Variants in GRM8 observed in about 807,000 individuals in gnomAD.
GRM8 encodes metabotropic glutamate receptor 8.
In GRM8, 47 loss-of-function variants were observed where a neutral mutation model predicts 87.2. The observed-to-expected ratio is 0.54, with a 90% CI of 0.43 to 0.69. The LOEUF is 0.69. Ranked by LOEUF, GRM8 falls within the 30% of genes least tolerant of loss-of-function variation. The pLI is 0.00. For missense variants in GRM8, 1,019 were observed against 1,139.2 expected, an observed-to-expected ratio of 0.89 and a Z score of 1.52; for synonymous variants, 396 against 404.5, an observed-to-expected ratio of 0.98 and a Z score of 0.25.
rs1585769234 is a variant in GRM8, at chr7:126,748,757, A to C, written c.1357+21108T>G. ...CAATTCCTAATATAAAACTATAATAATCTAGTCAGTGGGGTATTAGAATAT... is the reference window on the plus strand; with the variant it reads ...CAATTCCTAATATAAAACTATAATACTCTAGTCAGTGGGGTATTAGAATAT... On this transcript the variant is annotated intron_variant, in intron 7 of 10. Coordinates refer to ENST00000339582, the MANE Select transcript of GRM8 (RefSeq NM_000845.3). Among the ~76,000 whole-genome samples, 5 of 152,184 alleles carry C rather than the reference A, an allele frequency of 3.3e-5. No individual in the cohort carries two copies. In the South Asian group the frequency reaches 1.0e-3, roughly 32 times the overall value.
intron 9 of GRM8, among the ~76,000 whole-genome samples, chr7:126,464,882 T>C (rs1402364801): frequency 6.6e-6 from 1 of 151,798 alleles, no homozygotes; most frequent in African/African-American, 2.4e-5. Context: ...TAGTTGTTAT[T>C]TTTAATCTTC....
chr7:127,005,553 C>A (rs1037505642), intron 3 of GRM8, among the ~76,000 whole-genome samples: 1 of 151,788 alleles, frequency 6.6e-6, no homozygotes, highest in Non-Finnish European at 1.5e-5. Flanking sequence ...AGTTGTAGAT[C>A]TGAGTGACTC....
chr7:126,890,542 C>T (rs1452116183), intron 6 of GRM8, among the ~76,000 whole-genome samples: 1 of 152,024 alleles, frequency 6.6e-6, no homozygotes, highest in African/African-American at 2.4e-5. Flanking sequence ...GTCAGCTTCC[C>T]CCTTGTGGTG....
In GRM8 at chr7:126,812,138, A is replaced by T. The variant is rs995055828; in HGVS notation, c.1157-42073T>A. On this transcript the variant is annotated intron_variant, in intron 6 of 10. Coordinates refer to ENST00000339582, the MANE Select transcript of GRM8 (RefSeq NM_000845.3). ...CATAAATTTATACAAATAGCTTTTT[A>T]AAAAAATTAGAAAAAATAATACAAA... 5.9e-5 allele frequency among the ~76,000 whole-genome samples: 9 copies of T among 152,180 alleles called. 1 individual carries two copies. The highest frequency in any genetic ancestry group is 1.3e-4 in the Admixed American group (2 of 15,280).
rs534910759 is a variant in GRM8 at position 126,472,096 on chromosome 7, A to G, written c.2431-25724T>C. Among the ~76,000 whole-genome samples, 1,080 of 152,152 alleles carry G rather than the reference A, an allele frequency of 7.1e-3. 12 individuals are homozygous for G. Among genetic ancestry groups the G allele is most frequent in the African/African-American group, 0.025 (1,036 of 41,496 alleles). On this transcript the variant is annotated intron_variant, in intron 9 of 10. Transcript: ENST00000339582. ...CTTAAGGAGATTTTGGGCTGAGACA[A>G]TGGGGTTTTCTAGATATACAATCAT... is the stretch of plus-strand genomic sequence containing the variant.
chr7:127,041,254 C>A (rs17863187), intron 3 of GRM8, among the ~76,000 whole-genome samples: 7,034 of 152,158 alleles, frequency 0.046, 192 homozygotes, highest in East Asian at 0.11. Context: ...GGTTTCAGGG[C>A]AGGTTTGCAT....
chr7:126,538,000 T>C (rs1173211940), intron 8 of GRM8, among the ~76,000 whole-genome samples: 2 of 152,200 alleles, frequency 1.3e-5, no homozygotes, highest in Non-Finnish European at 2.9e-5. Context: ...TAAGACGTTT[T>C]CAGTCTGAAA....
chr7:126,854,166 C>T (rs552129138), intron 6 of GRM8, among the ~76,000 whole-genome samples: 1 of 152,320 alleles, frequency 6.6e-6, no homozygotes, highest in Non-Finnish European at 1.5e-5. Flanking sequence ...TAAAATCTCT[C>T]ACAGTGCCTT....
chr7:127,053,798 A>AGGGGGGG (rs33927872), intron 3 of GRM8, among the ~76,000 whole-genome samples: 1 of 104,400 alleles, frequency 9.6e-6, no homozygotes, highest in African/African-American at 3.8e-5. Flanking sequence ...AAAAAAAAAA[A>AGGGGGGG]GGGGGGGGGG....
intron 1 of GRM8, among the ~76,000 whole-genome samples, chr7:127,248,406 T>C (rs1269145326): frequency 6.6e-6 from 1 of 152,216 alleles, no homozygotes; most frequent in Non-Finnish European, 1.5e-5. Context: ...TTCCTTCCCT[T>C]ACTCCATGCC....
At chr7:127,011,041 TTATAC>T (rs967790354) in intron 3 of GRM8, among the ~76,000 whole-genome samples, 1 of 152,160 alleles carries the variant, frequency 6.6e-6, no homozygotes, top group African/African-American at 2.4e-5. Context: ...GTTTTACTTA[TTATAC>T]TATATCATTT....
intron 6 of GRM8, among the ~76,000 whole-genome samples, chr7:126,794,236 T>C (rs1821703945): frequency 6.6e-6 from 1 of 152,126 alleles, no homozygotes; most frequent in Non-Finnish European, 1.5e-5. Flanking sequence ...TATACAATCT[T>C]GAAAAAAATC....
At chr7:126,863,844 TTAA>T (rs1189206906) in intron 6 of GRM8, among the ~76,000 whole-genome samples, 9 of 152,044 alleles carry the variant, frequency 5.9e-5, no homozygotes, top group African/African-American at 1.4e-4. Flanking sequence ...GATATCTTTA[TTAA>T]TATTTCTCTT....
chr7:127,074,505 T>C (rs1159934125), intron 3 of GRM8, among the ~76,000 whole-genome samples: 1 of 152,162 alleles, frequency 6.6e-6, no homozygotes, highest in African/African-American at 2.4e-5. Context: ...GTGATGAGTC[T>C]CAGCTTTGTA....
intron 6 of GRM8, among the ~76,000 whole-genome samples, chr7:126,882,317 GCT>G (rs776551165): frequency 2.6e-4 from 40 of 151,330 alleles, no homozygotes; most frequent in Non-Finnish European, 3.4e-4. Flanking sequence ...TGCTTATTTT[GCT>G]CTGTCTCTAA....
chr7:127,083,547 T>C lies in GRM8; in HGVS notation c.727+22949A>G, dbSNP rs369012727. ...AATCTGGTCACGCTGCTGCCCTTTATATAATTCTTCAAATGCCCTACCTCC... is the reference window on the plus strand; with the variant it reads ...AATCTGGTCACGCTGCTGCCCTTTACATAATTCTTCAAATGCCCTACCTCC... On this transcript the variant is annotated intron_variant, in intron 3 of 10. Transcript: ENST00000339582. Among the ~76,000 whole-genome samples the C allele has an allele frequency of 9.9e-5, 15 of 152,214 alleles. No homozygotes were observed. The East Asian group carries it at 1.2e-3, about 12-fold the overall frequency.
chr7:126,713,474 T>C (rs1263118625), intron 7 of GRM8, among the ~76,000 whole-genome samples: 7 of 151,974 alleles, frequency 4.6e-5, no homozygotes, highest in South Asian at 2.1e-4. Context: ...AGGGAGAGCA[T>C]TAGGACAAAC....
At chr7:126,456,431 G>T (rs1051060404) in intron 9 of GRM8, among the ~76,000 whole-genome samples, 1 of 147,342 alleles carries the variant, frequency 6.8e-6, no homozygotes, top group South Asian at 2.1e-4. Flanking sequence ...CACAATTCTA[G>T]GGTACTACAG....
chr7:127,005,407 C>A (rs1406500077), intron 3 of GRM8, among the ~76,000 whole-genome samples: 1 of 151,306 alleles, frequency 6.6e-6, no homozygotes, highest in African/African-American at 2.4e-5. Flanking sequence ...TTGTTCCAGA[C>A]AATATGTGTC....
Sources: gnomAD v4.1 joint callset for allele counts (sites outside exome capture counted in the v4.1 genomes callset) on GRCh38, gnomAD v4.1.1 for gene constraint, MANE v1.5 for transcripts, NCBI Gene and HGNC (gene_info 2026-07-23, HGNC 2026-07-21) for gene names.